TBL1Y: variants seen among roughly 807,000 people sequenced by gnomAD.
The protein encoded by TBL1Y is transducin beta like 1 Y-linked.
In TBL1Y, 15 loss-of-function variants were observed where a neutral mutation model predicts 12.0. The observed-to-expected ratio is 1.25, with a 90% CI of 0.83 to 1.92. The LOEUF (loss-of-function observed/expected upper bound fraction) is 1.92, where lower values mean the gene tolerates loss of function less well. Ranked by LOEUF, TBL1Y falls within the 40% of genes most tolerant of loss-of-function variation. The pLI, the probability that TBL1Y is intolerant of heterozygous loss-of-function variation, is 0.00. For missense variants in TBL1Y, 148 were observed against 116.7 expected (o/e 1.27, Z -1.24); for synonymous variants, 53 against 42.6 (o/e 1.24, Z -0.95).
At chrY:6,985,636 A>C in intron 3 of TBL1Y, among the ~76,000 whole-genome samples, 1 of 33,172 alleles carries the variant, frequency 3.0e-5, no homozygotes, top group African/African-American at 1.2e-4. Flanking sequence ...ATATTTACCT[A>C]GATGACACCC....
chrY:7,020,339 T>G, intron 4 of TBL1Y, among the ~76,000 whole-genome samples: 1 of 33,482 alleles, frequency 3.0e-5, no homozygotes, highest in Non-Finnish European at 7.4e-5. Flanking sequence ...ATCCCAGCAC[T>G]TTGGGACGCT....
At chrY:7,063,728 G>GA (rs2012920431) in intron 7 of TBL1Y, among the ~76,000 whole-genome samples, 169 bp from the exon 8 acceptor site, 2 of 33,417 alleles carry the variant, frequency 6.0e-5, no homozygotes, top group South Asian at 6.7e-4. Context: ...AAGAAATTTA[G>GA]AACTCATATC....
intron 2 of TBL1Y, among the ~76,000 whole-genome samples, chrY:6,922,615 A>G: frequency 2.9e-5 from 1 of 34,545 alleles, no homozygotes; most frequent in Non-Finnish European, 7.3e-5. Flanking sequence ...ACAAACCTTC[A>G]GGTAGACACA....
chrY:7,078,726 T>G (rs762351376), intron 13 of TBL1Y, among the ~76,000 whole-genome samples: 37 of 34,125 alleles, frequency 1.1e-3, no homozygotes, highest in African/African-American at 3.9e-3. Context: ...ATGAAAAGTC[T>G]CATGATGATC....
intron 3 of TBL1Y, among the ~76,000 whole-genome samples, chrY:6,991,247 A>G: frequency 3.0e-5 from 1 of 33,714 alleles, no homozygotes; most frequent in Non-Finnish European, 7.3e-5. Flanking sequence ...CCAGACAACC[A>G]TCAGCATGGC....
chrY:7,001,878 A>G, intron 4 of TBL1Y, among the ~76,000 whole-genome samples: 1 of 34,288 alleles, frequency 2.9e-5, no homozygotes, highest in African/African-American at 1.1e-4. Flanking sequence ...AATGGGGACA[A>G]TAGCTCTCGC....
At chrY:6,994,262 C>T in intron 3 of TBL1Y, among the ~76,000 whole-genome samples, 1 of 33,779 alleles carries the variant, frequency 3.0e-5, no homozygotes, top group South Asian at 6.8e-4. Flanking sequence ...ACTTTTCAGA[C>T]ATCTGGAAGG....
intron 2 of TBL1Y, among the ~76,000 whole-genome samples, chrY:6,930,292 A>C: frequency 3.0e-5 from 1 of 33,725 alleles, no homozygotes; most frequent in Non-Finnish European, 7.3e-5. Context: ...ACCAGAGTTG[A>C]CTTTATTTCC....
intron 7 of TBL1Y, among the ~76,000 whole-genome samples, chrY:7,043,644 C>T: frequency 3.0e-5 from 1 of 33,532 alleles, no homozygotes; most frequent in African/African-American, 1.2e-4. Flanking sequence ...TACATAGTAA[C>T]GAGTTTCCAG....
At chrY:6,917,429 C>T in intron 2 of TBL1Y, among the ~76,000 whole-genome samples, 1 of 33,428 alleles carries the variant, frequency 3.0e-5, no homozygotes, top group African/African-American at 1.2e-4. Context: ...TGTTCAGTCC[C>T]GTTTTGGTCA....
chrY:6,994,572 C>G (rs1402930022), intron 3 of TBL1Y, among the ~76,000 whole-genome samples: 1 of 34,009 alleles, frequency 2.9e-5, no homozygotes, highest in Non-Finnish European at 7.3e-5. Context: ...TGATTTCATA[C>G]ACAATAACAA....
Position 6,980,814 on chromosome Y carries a change from G to A in TBL1Y, c.-235+2571G>A, listed in dbSNP as rs376142345. Among the ~76,000 whole-genome samples the A allele has an allele frequency of 3.0e-3, 103 of 33,889 alleles. No individual in the cohort carries two copies. The South Asian group carries it at 0.069, about 23-fold the overall frequency. The allele number at this position is 33,889 out of a possible 37,273, so 90.9% of individuals were successfully genotyped here. A position where few individuals can be genotyped will look rare whatever the true frequency, so the allele number is the denominator to read the frequency against. On this transcript the variant is annotated intron_variant, in intron 3 of 18. Transcript: ENST00000383032. Reference sequence around the variant, plus strand: ...CAGACCTGATTTTTCTGTTTTTAAAGCATTTTTGTCATAGTCGTTGTATTT... The same window carrying A: ...CAGACCTGATTTTTCTGTTTTTAAAACATTTTTGTCATAGTCGTTGTATTT...
At chrY:7,030,366 A>G in intron 6 of TBL1Y, among the ~76,000 whole-genome samples, 1 of 33,974 alleles carries the variant, frequency 2.9e-5, no homozygotes, top group Non-Finnish European at 7.3e-5. Context: ...CACAGTTTCC[A>G]TGGGCAGACG....
At chrY:7,063,872 G>A in intron 7 of TBL1Y, 25 bp from the exon 8 acceptor site, 1 of 397,590 alleles carries the variant, frequency 2.5e-6, no homozygotes, top group Non-Finnish European at 3.5e-6. Context: ...TGAGCTGATG[G>A]CTGTCCCTTG....
chrY:7,091,016 T>C, intron 18 of TBL1Y, among the ~76,000 whole-genome samples: 1 of 33,585 alleles, frequency 3.0e-5, no homozygotes, highest in Non-Finnish European at 7.4e-5. Context: ...TCTTCTCCCA[T>C]GGGGCATCTG....
chrY:7,001,795 A>G, intron 4 of TBL1Y, among the ~76,000 whole-genome samples: 1 of 34,186 alleles, frequency 2.9e-5, no homozygotes, highest in Non-Finnish European at 7.3e-5. Flanking sequence ...AAGTCTAGTA[A>G]TAGCATGTGT....
intron 2 of TBL1Y, among the ~76,000 whole-genome samples, chrY:6,976,424 C>T: frequency 3.0e-5 from 1 of 33,784 alleles, no homozygotes; most frequent in Non-Finnish European, 7.3e-5. Flanking sequence ...CAGTTGTTCT[C>T]TGTTAATCAT....
At chrY:6,911,592 G>T (rs752645453) in intron 1 of TBL1Y, among the ~76,000 whole-genome samples, 1 of 34,568 alleles carries the variant, frequency 2.9e-5, no homozygotes, top group African/African-American at 1.1e-4. Context: ...GCCCCAGCGC[G>T]CAGTCAAGTC....
chrY:7,088,087 C>G (rs2013151247), intron 17 of TBL1Y, among the ~76,000 whole-genome samples: 2 of 32,733 alleles, frequency 6.1e-5, no homozygotes, highest in African/African-American at 1.2e-4. Context: ...CTGTGGGTAT[C>G]TTGGGCCACA....
Sources: gnomAD v4.1 joint callset for allele counts (sites outside exome capture counted in the v4.1 genomes callset) on GRCh38, gnomAD v4.1.1 for gene constraint, MANE v1.5 for transcripts, NCBI Gene and HGNC (gene_info 2026-07-23, HGNC 2026-07-21) for gene names.